Variants in EED observed in about 807,000 individuals in gnomAD.
The protein encoded by EED is polycomb protein EED.
Under a neutral mutation model 61.0 loss-of-function variants are expected in EED, and 9 were observed. The ratio of observed to expected loss-of-function variants is 0.15; its 90% confidence interval spans 0.09 to 0.26. The LOEUF (loss-of-function observed/expected upper bound fraction) is 0.26, where lower values mean the gene tolerates loss of function less well. Among genes scored for constraint, EED ranks in the 10% least tolerant of loss-of-function variants. The pLI is 1.00. For missense variants in EED, 315 were observed against 542.3 expected, an observed-to-expected ratio of 0.58 and a Z score of 4.16; for synonymous variants, 187 against 174.4, an observed-to-expected ratio of 1.07 and a Z score of -0.57.
chr11:86,256,321 CTATTA>C (rs1945672846), intron 4 of EED, 61 bp from the exon 5 acceptor site: 1 of 1,404,710 alleles, frequency 7.1e-7, no homozygotes, highest in East Asian at 2.4e-5. Context: ...TTATAAGTTT[CTATTA>C]TAATTATTGA....
rs1440879955 is a variant in EED at position 86,264,069 on chromosome 11, G to C, written c.635-103G>C. On this transcript the variant is annotated intron_variant, in intron 6 of 11. Transcript: ENST00000263360. ...ATGGATTCCATTTTTAGGCTTTACT[G>C]TGCATAACTTACATCTAGACTTTAG... 6 of 842,366 alleles carry C rather than the reference G, an allele frequency of 7.1e-6. No individual in the cohort carries two copies. The Admixed American group carries it at 1.3e-4, about 18-fold the overall frequency. 52.2% of individuals were successfully genotyped at this position (842,366 alleles called of 1,614,324 possible).
chr11:86,264,412 G>C, intron 7 of EED, 149 bp downstream of exon 7: 1 of 524,694 alleles, frequency 1.9e-6, no homozygotes, highest in Non-Finnish European at 3.4e-6. Context: ...TTAATCTCCA[G>C]ATGAAGGAAT....
chr11:86,251,445 C>T (rs999148194), intron 2 of EED, among the ~76,000 whole-genome samples: 6 of 152,048 alleles, frequency 3.9e-5, no homozygotes, highest in African/African-American at 9.7e-5. Context: ...GATGAGAAAA[C>T]GAAAGACGTA....
the EED span, among the ~76,000 whole-genome samples, chr11:86,285,180 G>A: frequency 3.3e-5 from 5 of 152,178 alleles, no homozygotes; most frequent in Non-Finnish European, 7.4e-5. Context: ...AGCACTTTGG[G>A]AGGCCAAGGC....
downstream of EED, among the ~76,000 whole-genome samples, chr11:86,281,168 C>T (rs1311175223): frequency 1.3e-5 from 2 of 152,106 alleles, no homozygotes; most frequent in African/African-American, 4.8e-5. Flanking sequence ...ATACTGTCCT[C>T]GTAAGATGAG....
Position 86,245,194 on chromosome 11 carries a change from C to A in EED, c.-36C>A, listed in dbSNP as rs770622536. 1.9e-6 allele frequency: 3 copies of A among 1,580,270 alleles called. No homozygotes were observed. Among genetic ancestry groups the A allele is most frequent in the Admixed American group, 3.4e-5 (2 of 58,072 alleles). ...GACGGCGGTGTGGCGGAGGCCCCGCCCCAGGCGGCAGGAACCTGGAGGGAG... is the reference window on the plus strand; with the variant it reads ...GACGGCGGTGTGGCGGAGGCCCCGCACCAGGCGGCAGGAACCTGGAGGGAG... On this transcript the variant is annotated 5_prime_UTR_variant, in exon 1 of 12. Transcript: ENST00000263360.
downstream of EED, among the ~76,000 whole-genome samples, chr11:86,282,017 G>C (rs989819603): frequency 3.9e-5 from 6 of 152,180 alleles, no homozygotes; most frequent in African/African-American, 7.2e-5. Flanking sequence ...AGTGAAGAGA[G>C]TAGTGAATAC....
intron 8 of EED, 105 bp downstream of exon 8, chr11:86,266,321 A>T: frequency 1.0e-6 from 1 of 1,001,448 alleles, no homozygotes; most frequent in Non-Finnish European, 1.4e-6. Context: ...AGTTTAGAAG[A>T]CCTTCTTTTA....
At chr11:86,254,753 G>A (rs1232475058) in intron 3 of EED, among the ~76,000 whole-genome samples, 1 of 151,232 alleles carries the variant, frequency 6.6e-6, no homozygotes, top group African/African-American at 2.5e-5. Context: ...CTCCTGAGTA[G>A]CTGGGATTAC....
intron 6 of EED, among the ~76,000 whole-genome samples, chr11:86,258,155 A>T (rs1945724535): frequency 7.2e-6 from 1 of 139,562 alleles, no homozygotes; most frequent in Non-Finnish European, 1.7e-5. Flanking sequence ...AAGGAAATAA[A>T]GCCAAATTAA....
chr11:86,286,539 C>T, the EED span, among the ~76,000 whole-genome samples: 1 of 152,120 alleles, frequency 6.6e-6, no homozygotes, highest in Non-Finnish European at 1.5e-5. Flanking sequence ...GTCACTTTTT[C>T]CAGAAGTGCT....
At chr11:86,279,603 C>T (rs1162567009), downstream of EED, among the ~76,000 whole-genome samples, 1 of 151,862 alleles carries the variant, frequency 6.6e-6, no homozygotes, top group African/African-American at 2.4e-5. Context: ...ATGAGGTGAG[C>T]CAGAGAAAAA....
At chr11:86,286,841 G>C in the EED span, among the ~76,000 whole-genome samples, 5 of 151,890 alleles carry the variant, frequency 3.3e-5, no homozygotes, top group South Asian at 6.2e-4. Context: ...GCACGGTGGT[G>C]GGCACCTGTA....
At chr11:86,276,001 G>A (rs1006407065) in intron 9 of EED, 12 of 152,148 alleles carry the variant, frequency 7.9e-5, no homozygotes, top group African/African-American at 2.9e-4. Flanking sequence ...TATTATGTAG[G>A]CTGTCCAGTA....
At chr11:86,262,431 A>G (rs1945856617) in intron 6 of EED, among the ~76,000 whole-genome samples, 1 of 152,148 alleles carries the variant, frequency 6.6e-6, no homozygotes, top group African/African-American at 2.4e-5. Flanking sequence ...GTTCTTCACA[A>G]CTGTATTGCA....
At chr11:86,271,067 G>A (rs1045532811) in intron 9 of EED, among the ~76,000 whole-genome samples, 2 of 152,070 alleles carry the variant, frequency 1.3e-5, no homozygotes, top group Non-Finnish European at 2.9e-5. Flanking sequence ...GCTGGGAGTT[G>A]TTTTGAGGAG....
At chr11:86,269,911 T>A (rs1946071953) in intron 9 of EED, among the ~76,000 whole-genome samples, 1 of 152,218 alleles carries the variant, frequency 6.6e-6, no homozygotes, top group Admixed American at 6.5e-5. Context: ...TAGGAGGTTT[T>A]GGTCATTTCC....
intron 3 of EED, among the ~76,000 whole-genome samples, chr11:86,254,709 G>T (rs1431486983): frequency 6.6e-6 from 1 of 151,778 alleles, no homozygotes; most frequent in Non-Finnish European, 1.5e-5. Context: ...TGCAACCTCC[G>T]CCTCCCGGGT....
chr11:86,245,544 A>G (rs1479437954), intron 1 of EED, among the ~76,000 whole-genome samples: 1 of 151,326 alleles, frequency 6.6e-6, no homozygotes, highest in African/African-American at 2.4e-5. Flanking sequence ...TAGGCAAAGG[A>G]GAGTGGTTCT....
Sources: gnomAD v4.1 joint callset for allele counts (sites outside exome capture counted in the v4.1 genomes callset) on GRCh38, gnomAD v4.1.1 for gene constraint, MANE v1.5 for transcripts, NCBI Gene and HGNC (gene_info 2026-07-23, HGNC 2026-07-21) for gene names.